HGF: variants seen among roughly 807,000 people sequenced by gnomAD.
HGF encodes hepatocyte growth factor.
A neutral mutation model predicts 111.6 loss-of-function variants in HGF; 39 were observed. That is an observed-to-expected ratio of 0.35 (90% CI 0.27 to 0.46). The LOEUF (loss-of-function observed/expected upper bound fraction) is 0.46, where lower values mean the gene tolerates loss of function less well. HGF is among the 20% of genes least tolerant of loss of function. HGF has a pLI of 1.00. For missense variants in HGF, 735 were observed against 910.5 expected, an observed-to-expected ratio of 0.81 and a Z score of 2.48; for synonymous variants, 285 against 294.8, an observed-to-expected ratio of 0.97 and a Z score of 0.34.
chr7:81,744,137 G>T (rs1309034082), intron 6 of HGF, among the ~76,000 whole-genome samples: 2 of 152,062 alleles, frequency 1.3e-5, no homozygotes, highest in Non-Finnish European at 2.9e-5. Flanking sequence ...TAGAGAAAAA[G>T]AACAAAGAAA....
rs113859160 is a variant in HGF, at chr7:81,721,179, G to A, written c.1169-332C>T. ...GGAGAATGGCGTGAACCCGGGAGGC[G>A]GAGCTTGCCGTGAGCCGAGATGGCG... is the stretch of plus-strand genomic sequence containing the variant. On this transcript the variant is annotated intron_variant, in intron 9 of 17. Coordinates refer to ENST00000222390, the MANE Select transcript of HGF (RefSeq NM_000601.6). 0.032 allele frequency among the ~76,000 whole-genome samples: 4,821 copies of A among 152,188 alleles called. 258 individuals are homozygous for A. The highest frequency in any genetic ancestry group is 0.11 in the African/African-American group (4,491 of 41,510).
At chr7:81,768,255 A>G (rs1043260988) in intron 1 of HGF, among the ~76,000 whole-genome samples, 6 of 152,350 alleles carry the variant, frequency 3.9e-5, no homozygotes, top group African/African-American at 1.4e-4. Flanking sequence ...AGATGAATTC[A>G]GGTAACCAGA....
intron 11 of HGF, among the ~76,000 whole-genome samples, chr7:81,715,519 T>A (rs539007916): frequency 2.0e-4 from 30 of 152,202 alleles, no homozygotes; most frequent in Middle Eastern, 3.4e-3. Flanking sequence ...AATAAACTTA[T>A]TAGAAATGCC....
At chr7:81,703,835 C>A (rs1422397750) in intron 17 of HGF, among the ~76,000 whole-genome samples, 1 of 151,438 alleles carries the variant, frequency 6.6e-6, no homozygotes, top group Non-Finnish European at 1.5e-5. Context: ...ATGGGGAAAA[C>A]CAAGTTAGGG....
At chr7:81,744,212 T>A (rs1482705745) in intron 6 of HGF, among the ~76,000 whole-genome samples, 1 of 152,214 alleles carries the variant, frequency 6.6e-6, no homozygotes, top group Non-Finnish European at 1.5e-5. Context: ...TTATTTGTAT[T>A]TTTATTCTTT....
intron 2 of HGF, among the ~76,000 whole-genome samples, chr7:81,761,280 TC>T (rs1419840791): frequency 6.6e-6 from 1 of 152,188 alleles, no homozygotes; most frequent in African/African-American, 2.4e-5. Flanking sequence ...CAAAGTCAAT[TC>T]CCACTCCTCT....
At chr7:81,730,409 C>G (rs1787607369) in intron 7 of HGF, among the ~76,000 whole-genome samples, 3 of 152,226 alleles carry the variant, frequency 2.0e-5, no homozygotes, top group Admixed American at 6.5e-5. Context: ...GAGCCAAGAT[C>G]GTGCCATTGC....
chr7:81,754,236 G>A (rs914145694), intron 4 of HGF, among the ~76,000 whole-genome samples: 6 of 151,750 alleles, frequency 4.0e-5, no homozygotes, highest in South Asian at 2.1e-4. Flanking sequence ...TGAATAATAC[G>A]AACTATAATT....
At position 81,699,292 on chromosome 7, in the gene HGF, T is replaced by C. The variant is rs892676025; in HGVS notation, c.*3289A>G. The C allele has an allele frequency of 4.6e-5, 7 of 151,498 alleles. No homozygotes were observed. The highest frequency in any genetic ancestry group is 7.4e-5 in the Non-Finnish European group (5 of 67,610). The allele number at this position is 151,498 out of a possible 1,614,324, so 9.4% of individuals were successfully genotyped here. A position where few individuals can be genotyped will look rare whatever the true frequency, so the allele number is the denominator to read the frequency against. ...TTAAAAGTTACACTGTCAAGATATA[T>C]ATGGTCCAAAAAATTTTAACTTTTT... is the stretch of plus-strand genomic sequence containing the variant. On this transcript the variant is annotated 3_prime_UTR_variant, in exon 18 of 18. Transcript: ENST00000222390.
chr7:81,710,034 CA>C (rs1789530652), intron 13 of HGF, 112 bp downstream of exon 13: 1 of 755,192 alleles, frequency 1.3e-6, no homozygotes, highest in Non-Finnish European at 2.4e-6. Context: ...CTGCCTCACC[CA>C]GGTGCCCTGT....
intron 4 of HGF, among the ~76,000 whole-genome samples, chr7:81,753,520 A>G (rs1200263816): frequency 1.3e-5 from 2 of 152,062 alleles, no homozygotes; most frequent in East Asian, 1.9e-4. Flanking sequence ...CTTCTAATAA[A>G]CCATCATTTT....
At chr7:81,723,595 T>C (rs1346517363) in intron 9 of HGF, among the ~76,000 whole-genome samples, 3 of 151,106 alleles carry the variant, frequency 2.0e-5, no homozygotes, top group African/African-American at 7.3e-5. Flanking sequence ...TATGTAGTGT[T>C]TTATCAACAT....
intron 15 of HGF, 113 bp downstream of exon 15, chr7:81,706,174 C>T: frequency 1.1e-6 from 1 of 897,046 alleles, no homozygotes; most frequent in African/African-American, 1.6e-5. Context: ...CAGCATGTAA[C>T]ATATGTTTAT....
chr7:81,704,522 C>A (rs1789371147), intron 17 of HGF, among the ~76,000 whole-genome samples: 1 of 151,750 alleles, frequency 6.6e-6, no homozygotes, highest in African/African-American at 2.4e-5. Flanking sequence ...CTAACCATAT[C>A]ATTTTTAAGC....
At chr7:81,708,807 A>C (rs943477395) in intron 13 of HGF, among the ~76,000 whole-genome samples, 9 of 151,882 alleles carry the variant, frequency 5.9e-5, no homozygotes, top group Non-Finnish European at 1.3e-4. Context: ...GTCTTTACTA[A>C]ATCCTCATAC....
Position 81,745,089 on chromosome 7 carries a change from A to G in HGF, c.657T>C (p.Tyr219=). The G allele has an allele frequency of 6.2e-7, 1 of 1,613,918 alleles. No individual in the cohort carries two copies. ...ATTCTGTATGATCCATGAGACCTCGATAACTCTCCCCATTGCAGGTCATGC... is the reference window on the plus strand; with the variant it reads ...ATTCTGTATGATCCATGAGACCTCGGTAACTCTCCCCATTGCAGGTCATGC... ...VECMTCNGES[Y]RGLMDHTESG... is the part of the protein sequence containing the mutation. Residue 219 remains tyrosine (Y), a synonymous_variant, in exon 6 of 18, where the codon TAT becomes TAC. Transcript: ENST00000222390.
intron 5 of HGF, among the ~76,000 whole-genome samples, chr7:81,747,264 G>A (rs925464400): frequency 3.9e-5 from 6 of 152,212 alleles, no homozygotes; most frequent in Admixed American, 1.3e-4. Context: ...GCGTGAACCC[G>A]GGAGATGGAG....
At chr7:81,751,499 A>C (rs1310220007) in intron 5 of HGF, 1 of 52,868 alleles carries the variant, frequency 1.9e-5, no homozygotes, top group Non-Finnish European at 2.0e-5. Flanking sequence ...CTTAAGGTCC[A>C]TAGACATGCC....
chr7:81,749,234 G>A (rs1373315073), intron 5 of HGF, among the ~76,000 whole-genome samples: 1 of 151,978 alleles, frequency 6.6e-6, no homozygotes, highest in Non-Finnish European at 1.5e-5. Context: ...TAAATGTATT[G>A]TATTTTTTAA....
Sources: gnomAD v4.1 joint callset for allele counts (sites outside exome capture counted in the v4.1 genomes callset) on GRCh38, gnomAD v4.1.1 for gene constraint, MANE v1.5 for transcripts, NCBI Gene and HGNC (gene_info 2026-07-23, HGNC 2026-07-21) for gene names.